The following EME1 variants were observed in gnomAD, a reference collection of about 807,000 sequenced individuals.
The protein encoded by EME1 is essential meiotic structure-specific endonuclease 1.
EME1 carries 61 observed loss-of-function variants against 59.1 expected under a neutral mutation model. That is an observed-to-expected ratio of 1.03 (90% CI 0.84 to 1.28). EME1 has a LOEUF of 1.28. EME1 is among the 50% of genes most tolerant of loss of function. EME1 has a pLI of 0.00. For missense variants in EME1, 635 were observed against 682.6 expected (o/e 0.93, Z 0.78); for synonymous variants, 230 against 254.2 (o/e 0.90, Z 0.90).
At position 50,375,768 on chromosome 17, in the gene EME1, A is replaced by C. The variant is rs766518152; in HGVS notation, c.560A>C (p.Lys187Thr). The stretch of plus-strand genomic sequence containing the variant: ...CAGAGCAGCAGCTTGGCAGTAACCA[A>C]AACAAATTCTGACATCCTTCCACCC... Reference protein sequence around the residue: ...PGQSSSLAVTKTNSDILPPQK... With the variant: ...PGQSSSLAVTTTNSDILPPQK... The change falls in exon 2 of 9, where the codon AAA becomes ACA. Residue 187 changes from lysine (K) to threonine (T), a missense_variant. By Grantham distance (78) the Lys-to-Thr change is moderately conservative. Transcript: ENST00000338165. 1.2e-6 allele frequency: 2 copies of C among 1,614,026 alleles called. No individual in the cohort carries two copies. The highest frequency in any genetic ancestry group is 3.3e-5 in the Admixed American group (2 of 59,986).
Position 50,375,304 on chromosome 17 carries a change from AACAAAGAGGAGACAGCCT to A in EME1, c.97_114del (p.Thr33_Pro38del), listed in dbSNP as rs752526564. 3.1e-6 allele frequency: 5 copies of A among 1,614,234 alleles called. No homozygotes were observed. Among genetic ancestry groups the A allele is most frequent in the Middle Eastern group, 1.6e-4 (1 of 6,062 alleles). On this transcript the variant is annotated inframe_deletion, in exon 2 of 9. Coordinates refer to ENST00000338165, the MANE Select transcript of EME1 (RefSeq NM_152463.4). ...CCTTTCTGAAGAAGGAACCATCTTC[AACAAAGAGGAGACAGCCT>A]GAAAGGGAAGAGAAGATTGTAGTGG...
At chr17:50,376,026 C>A (rs9902545) in intron 2 of EME1, 40 bp from the exon 3 acceptor site, 1 of 1,607,972 alleles carries the variant, frequency 6.2e-7, no homozygotes. Flanking sequence ...TATCTGCGTT[C>A]TGGACCCCCC....
At chr17:50,377,708 G>A (rs901514241) in intron 3 of EME1, among the ~76,000 whole-genome samples, 2 of 151,304 alleles carry the variant, frequency 1.3e-5, no homozygotes, top group African/African-American at 2.4e-5. Context: ...CTCCATTCCC[G>A]TATTCAAAAT....
At chr17:50,380,555 G>A in intron 8 of EME1, 54 bp downstream of exon 8, 3 of 1,591,738 alleles carry the variant, frequency 1.9e-6, no homozygotes, top group African/African-American at 1.3e-5. Flanking sequence ...GGCTCAGTGG[G>A]CCCCCAGATT....
intron 3 of EME1, among the ~76,000 whole-genome samples, chr17:50,377,030 G>A (rs1913508229): frequency 6.6e-6 from 1 of 152,198 alleles, no homozygotes; most frequent in Non-Finnish European, 1.5e-5. Flanking sequence ...GATTACAGGT[G>A]TGAGGCACCT....
Position 50,375,893 on chromosome 17 carries a change from C to T in EME1, c.685C>T (p.Gln229Ter). The stretch of plus-strand genomic sequence containing the variant: ...GCAGAAGGAAAGCACCCTGAGAAGA[C>T]AGGAAAGAAAGAATGCAGCACTGGT... Reference protein sequence around the residue: ...ARQKESTLRRQERKNAALVTR... With the variant: ...ARQKESTLRR Residue 229 changes from glutamine to a stop codon, truncating the protein, a stop_gained, in exon 2 of 9, where the codon CAG (glutamine) becomes TAG (stop). Transcript: ENST00000338165. LOFTEE classifies it high-confidence loss of function. 1 of 1,613,894 alleles carries T rather than the reference C, an allele frequency of 6.2e-7. No individual in the cohort carries two copies. Among genetic ancestry groups the T allele is most frequent in the Non-Finnish European group, 8.5e-7 (1 of 1,179,932 alleles).
chr17:50,378,659 C>G lies in EME1; in HGVS notation c.968C>G (p.Ser323Cys). Residue 323 changes from serine to cysteine, a missense_variant, in exon 4 of 9, where the codon TCC becomes TGC. Physicochemically the swap from Ser to Cys is moderately radical, Grantham distance 112 (BLOSUM62 -1). Transcript: ENST00000338165. ...TTGCTCCGGGCAGAGGCATTTGTGT[C>G]CATGATCGACAATGGAAAGCAGGTG... is the stretch of plus-strand genomic sequence containing the variant. ...LVLLRAEAFVSMIDNGKQGSL... is the reference protein window; with the variant it reads ...LVLLRAEAFVCMIDNGKQGSL... 6.2e-7 allele frequency: 1 copy of G among 1,614,066 alleles called. No homozygotes were observed. Among genetic ancestry groups the G allele is most frequent in the South Asian group, 1.1e-5 (1 of 91,080 alleles).
In EME1 at chr17:50,375,871, G is replaced by GA; in HGVS notation, c.665dup (p.Glu223GlyfsTer61). 3 of 1,614,176 alleles carry GA rather than the reference G, an allele frequency of 1.9e-6. No individual in the cohort carries two copies. The highest frequency in any genetic ancestry group is 2.5e-6 in the Non-Finnish European group (3 of 1,180,030). ...GCCGGCAGCAGAGACAAGCAAGGCA[G>GA]AAGGAAAGCACCCTGAGAAGACAGG... On this transcript the variant is annotated frameshift_variant, in exon 2 of 9. Coordinates refer to ENST00000338165, the MANE Select transcript of EME1 (RefSeq NM_152463.4). LOFTEE classifies it high-confidence loss of function.
intron 3 of EME1, among the ~76,000 whole-genome samples, chr17:50,377,056 TTC>T (rs916621678): frequency 3.2e-4 from 49 of 152,190 alleles, no homozygotes; most frequent in African/African-American, 1.2e-3. Context: ...AGCACTAAGA[TTC>T]TTTTTTATCT....
At position 50,381,291 on chromosome 17, in the gene EME1, A is replaced by C; in HGVS notation, c.*352A>C. On this transcript the variant is annotated 3_prime_UTR_variant, in exon 9 of 9. Coordinates refer to ENST00000338165, the MANE Select transcript of EME1 (RefSeq NM_152463.4). ...AGAAATCCAAAAGAATTAGCATCAAATCTTGAAGTCGTGAGTGAAGCTGCG... is the reference window on the plus strand; with the variant it reads ...AGAAATCCAAAAGAATTAGCATCAACTCTTGAAGTCGTGAGTGAAGCTGCG... 8.6e-6 allele frequency: 2 copies of C among 232,170 alleles called. No homozygotes were observed. Among genetic ancestry groups the C allele is most frequent in the African/African-American group, 2.2e-5 (1 of 44,650 alleles). 14.4% of individuals were successfully genotyped at this position (232,170 alleles called of 1,614,324 possible).
Position 50,375,522 on chromosome 17 carries a change from T to C in EME1, c.314T>C (p.Leu105Pro). ...GCTCAAAGGCTTACATGTAAGTTTC[T>C]GACCCACAAGCAACTGAGCCCTGAG... Reference protein sequence around the residue: ...PLAQRLTCKFLTHKQLSPEDS... With the variant: ...PLAQRLTCKFPTHKQLSPEDS... The change falls in exon 2 of 9, where the codon CTG becomes CCG. Residue 105 changes from leucine (L) to proline (P), a missense_variant. Leu to Pro is a moderately conservative substitution (Grantham distance 98). Coordinates refer to ENST00000338165, the MANE Select transcript of EME1 (RefSeq NM_152463.4). The C allele has an allele frequency of 6.2e-7, 1 of 1,613,894 alleles. No homozygotes were observed. The highest frequency in any genetic ancestry group is 8.5e-7 in the Non-Finnish European group (1 of 1,179,928).
At chr17:50,376,443 G>C (rs1436519287) in intron 3 of EME1, among the ~76,000 whole-genome samples, 1 of 152,212 alleles carries the variant, frequency 6.6e-6, no homozygotes, top group Non-Finnish European at 1.5e-5. Context: ...TTCGACCTCA[G>C]TATTGTTGAC....
intron 1 of EME1, 127 bp downstream of exon 1, chr17:50,373,404 AGCTTGTCGGGCAGGGGCCC>A: frequency 1.7e-6 from 1 of 595,878 alleles, no homozygotes; most frequent in South Asian, 2.0e-5. Context: ...AGAGGCGCAG[AGCTTGTCGGGCAGGGGCCC>A]GCTTGTCCCA....
chr17:50,373,942 T>C (rs1349736549), intron 1 of EME1, among the ~76,000 whole-genome samples: 1 of 152,248 alleles, frequency 6.6e-6, no homozygotes, highest in African/African-American at 2.4e-5. Context: ...GGCTACATCA[T>C]AGATAAACCT....
chr17:50,373,293 C>T lies in EME1; in HGVS notation c.-25+16C>T. 1.5e-6 allele frequency: 2 copies of T among 1,372,432 alleles called. No individual in the cohort carries two copies. The highest frequency in any genetic ancestry group is 2.0e-6 in the Non-Finnish European group (2 of 995,408). The allele number at this position is 1,372,432 out of a possible 1,614,324, so 85.0% of individuals were successfully genotyped here. A position where few individuals can be genotyped will look rare whatever the true frequency, so the allele number is the denominator to read the frequency against. On this transcript the variant is annotated intron_variant, in intron 1 of 8. Coordinates refer to ENST00000338165, the MANE Select transcript of EME1 (RefSeq NM_152463.4). The stretch of plus-strand genomic sequence containing the variant: ...GAAGTTGCAGGTGAGCGTCCCCGGT[C>T]GCAGGCCTGCGGATTGGGCAGGGCT...
rs752712544 is a variant in EME1 at position 50,375,511 on chromosome 17, A to C, written c.303A>C (p.Thr101=). 33 of 1,613,902 alleles carry C rather than the reference A, an allele frequency of 2.0e-5. No individual in the cohort carries two copies. In the East Asian group the frequency reaches 6.7e-4, roughly 33 times the overall value. Residue 101 remains threonine, a synonymous_variant, in exon 2 of 9, where the codon ACA becomes ACC. Coordinates refer to ENST00000338165, the MANE Select transcript of EME1 (RefSeq NM_152463.4). ...TTATTCCTCTGGCTCAAAGGCTTAC[A>C]TGTAAGTTTCTGACCCACAAGCAAC... is the stretch of plus-strand genomic sequence containing the variant. ...EEFIPLAQRL[T]CKFLTHKQLS...
chr17:50,375,510 C>A lies in EME1; in HGVS notation c.302C>A (p.Thr101Lys). The A allele has an allele frequency of 1.2e-6, 2 of 1,613,780 alleles. No homozygotes were observed. The highest frequency in any genetic ancestry group is 2.2e-5 in the South Asian group (2 of 91,032). ...TTTATTCCTCTGGCTCAAAGGCTTACATGTAAGTTTCTGACCCACAAGCAA... is the reference window on the plus strand; with the variant it reads ...TTTATTCCTCTGGCTCAAAGGCTTAAATGTAAGTTTCTGACCCACAAGCAA... Reference protein sequence around the residue: ...EEFIPLAQRLTCKFLTHKQLS... With the variant: ...EEFIPLAQRLKCKFLTHKQLS... The change falls in exon 2 of 9, where the codon ACA becomes AAA. Residue 101 changes from threonine (T) to lysine (K), a missense_variant. Coordinates refer to ENST00000338165, the MANE Select transcript of EME1 (RefSeq NM_152463.4).
At chr17:50,380,264 G>A (rs1056544978) in intron 7 of EME1, 48 bp from the exon 8 acceptor site, 7 of 1,543,392 alleles carry the variant, frequency 4.5e-6, no homozygotes, top group African/African-American at 2.7e-5. Flanking sequence ...GGGAACAGGT[G>A]TAGAAGAGTA....
intron 8 of EME1, 55 bp downstream of exon 8, chr17:50,380,556 C>A: frequency 6.3e-7 from 1 of 1,589,132 alleles, no homozygotes; most frequent in Non-Finnish European, 8.6e-7. Context: ...GCTCAGTGGG[C>A]CCCCAGATTT....
Sources: gnomAD v4.1 joint callset for allele counts (sites outside exome capture counted in the v4.1 genomes callset) on GRCh38, gnomAD v4.1.1 for gene constraint, MANE v1.5 for transcripts, NCBI Gene and HGNC (gene_info 2026-07-23, HGNC 2026-07-21) for gene names.